Variants in LOXHD1 observed in about 807,000 individuals in gnomAD.
The protein encoded by LOXHD1 is lipoxygenase homology domain-containing protein 1.
LOXHD1 carries 205 observed loss-of-function variants against 248.2 expected under a neutral mutation model. The ratio of observed to expected loss-of-function variants is 0.83; its 90% CI spans 0.74 to 0.93. The LOEUF (loss-of-function observed/expected upper bound fraction) is 0.93, where lower values mean the gene tolerates loss of function less well. LOXHD1 is among the 40% of genes least tolerant of loss of function. LOXHD1 has a pLI of 0.00. For missense variants in LOXHD1, 2,930 were observed against 2,971.6 expected (o/e 0.99, Z 0.33); for synonymous variants, 1,113 against 1,162.8 (o/e 0.96, Z 0.87).
intron 4 of LOXHD1, among the ~76,000 whole-genome samples, chr18:46,626,061 T>C (rs1254019888): frequency 6.6e-6 from 1 of 152,194 alleles, no homozygotes; most frequent in African/African-American, 2.4e-5. Flanking sequence ...GCAAATCCCT[T>C]GAACCAACTA....
intron 4 of LOXHD1, among the ~76,000 whole-genome samples, chr18:46,623,282 G>A (rs894835625): frequency 2.6e-5 from 4 of 152,114 alleles, no homozygotes; most frequent in African/African-American, 7.3e-5. Flanking sequence ...CATTTGTGCA[G>A]TGTGTGACCT....
intron 28 of LOXHD1, among the ~76,000 whole-genome samples, chr18:46,531,813 C>A: frequency 6.6e-6 from 1 of 152,226 alleles, no homozygotes; most frequent in East Asian, 1.9e-4. Flanking sequence ...CCTGGGACAG[C>A]ATTCCAGGGC....
At chr18:46,533,844 T>C (rs940968109) in intron 27 of LOXHD1, 51 of 195,786 alleles carry the variant, frequency 2.6e-4, no homozygotes, top group African/African-American at 1.2e-3. Flanking sequence ...GAGAATTGCT[T>C]GAACCCAGAA....
In LOXHD1 at chr18:46,485,228, G is replaced by A. The variant is rs1397083788; in HGVS notation, c.6050-77C>T. ...TTCAGGGCGGGAGCAAGAGGGTCAC[G>A]GCCTCCGGTCCTTCATTTGATCTTA... On this transcript the variant is annotated intron_variant, in intron 38 of 40. Coordinates refer to ENST00000642948, the MANE Select transcript of LOXHD1 (RefSeq NM_001384474.1). 2.3e-5 allele frequency: 34 copies of A among 1,498,132 alleles called. No individual in the cohort carries two copies. In the East Asian group the frequency reaches 4.0e-4, roughly 18 times the overall value. 92.8% of individuals were successfully genotyped at this position (1,498,132 alleles called of 1,614,324 possible).
intron 20 of LOXHD1, chr18:46,559,025 T>G: frequency 1.4e-6 from 1 of 707,988 alleles, no homozygotes; most frequent in South Asian, 1.5e-5. Context: ...GGTTCCATCT[T>G]CTGAGAACAT....
Position 46,566,308 on chromosome 18 carries a change from C to T in LOXHD1, c.2386G>A (p.Gly796Arg), listed in dbSNP as rs886053835. Residue 796 changes from glycine (G) to arginine (R), a missense_variant, in exon 17 of 41, where the codon GGG (glycine) becomes AGG (arginine). By Grantham distance (125) the Gly-to-Arg change is moderately radical. Transcript: ENST00000642948. ...NRWLDKNQAD[G>R]RLEVELYPSE... The stretch of plus-strand genomic sequence containing the variant: ...GGATACAGCTCCACCTCCAGGCGCC[C>T]GTCAGCCTGGTTCTTGTCCAGCCAG... 1.3e-5 allele frequency: 20 copies of T among 1,551,856 alleles called. No homozygotes were observed. Among genetic ancestry groups the T allele is most frequent in the Non-Finnish European group, 1.7e-5 (20 of 1,146,990 alleles).
intron 17 of LOXHD1, among the ~76,000 whole-genome samples, chr18:46,565,567 T>A (rs189533669): frequency 2.6e-5 from 4 of 152,202 alleles, no homozygotes; most frequent in African/African-American, 9.6e-5. Context: ...TTCCTCAGTA[T>A]CTGCAGGGAC....
At chr18:46,531,455 G>T (rs2036063386) in intron 28 of LOXHD1, among the ~76,000 whole-genome samples, 2 of 151,992 alleles carry the variant, frequency 1.3e-5, no homozygotes, top group South Asian at 4.2e-4. Flanking sequence ...ATTTGGGCCT[G>T]CTCCACATGT....
At chr18:46,654,712 G>A (rs1162891772) in intron 1 of LOXHD1, among the ~76,000 whole-genome samples, 1 of 152,196 alleles carries the variant, frequency 6.6e-6, no homozygotes, top group Non-Finnish European at 1.5e-5. Flanking sequence ...GGAAGTGGGG[G>A]AACCGTTGTT....
intron 12 of LOXHD1, among the ~76,000 whole-genome samples, chr18:46,585,667 T>C (rs1303844733): frequency 2.0e-5 from 3 of 152,166 alleles, no homozygotes; most frequent in Admixed American, 1.3e-4. Context: ...AGCTGACTTA[T>C]TTGTAGAAAT....
intron 1 of LOXHD1, among the ~76,000 whole-genome samples, chr18:46,650,037 A>C (rs1326568641): frequency 6.6e-6 from 1 of 151,876 alleles, no homozygotes; most frequent in African/African-American, 2.4e-5. Flanking sequence ...TCCAGAAGCA[A>C]CTCCTGGAAT....
intron 1 of LOXHD1, among the ~76,000 whole-genome samples, chr18:46,656,003 G>A (rs540470769): frequency 1.0e-3 from 152 of 152,278 alleles, no homozygotes; most frequent in Non-Finnish European, 1.4e-3. Context: ...CAGGCACAGA[G>A]CACACATTCA....
chr18:46,524,122 C>T (rs1376667527), intron 31 of LOXHD1, among the ~76,000 whole-genome samples: 1 of 152,148 alleles, frequency 6.6e-6, no homozygotes, highest in Non-Finnish European at 1.5e-5. Flanking sequence ...CCCAAATGAC[C>T]ATCTCAGGAC....
At chr18:46,514,600 G>A (rs1030753771) in intron 34 of LOXHD1, among the ~76,000 whole-genome samples, 3 of 152,150 alleles carry the variant, frequency 2.0e-5, no homozygotes, top group African/African-American at 7.2e-5. Context: ...ATCCTTTCCT[G>A]AAAGGGCAAC....
chr18:46,485,305 G>A (rs2032963517), intron 38 of LOXHD1, among the ~76,000 whole-genome samples, 154 bp from the exon 39 acceptor site: 3 of 151,924 alleles, frequency 2.0e-5, no homozygotes, highest in East Asian at 1.9e-4. Context: ...CGATTGAGGC[G>A]TTGTAGGTAG....
intron 31 of LOXHD1, 55 bp from the exon 32 acceptor site, chr18:46,522,364 CCTCATAGA>C (rs1341744145): frequency 2.0e-5 from 28 of 1,423,746 alleles, no homozygotes; most frequent in Non-Finnish European, 2.5e-5. Flanking sequence ...CAAGGCACTG[CCTCATAGA>C]CTCACAGATT....
intron 21 of LOXHD1, among the ~76,000 whole-genome samples, chr18:46,554,146 G>T (rs2037223316): frequency 6.6e-6 from 1 of 152,204 alleles, no homozygotes; most frequent in Non-Finnish European, 1.5e-5. Flanking sequence ...CATGGATCAG[G>T]TCAGGAAGCT....
chr18:46,511,218 C>T (rs540043060), intron 34 of LOXHD1, among the ~76,000 whole-genome samples: 4 of 152,294 alleles, frequency 2.6e-5, no homozygotes, highest in Non-Finnish European at 4.4e-5. Flanking sequence ...TTCCTCTCTT[C>T]GGTGTAAAAC....
Position 46,560,224 on chromosome 18 carries a change from C to T in LOXHD1, c.2920G>A (p.Glu974Lys), listed in dbSNP as rs1279741756. ...CCCGGCCCAAACTCCTCCTCTTCCT[C>T]CTCTTCTTCCATCTCCTCCTCCTCT... ...SSEEEEMEEE[E>K]EEEEFGPGMQ... Residue 974 changes from glutamate to lysine, a missense_variant, in exon 19 of 41, where the codon GAG (glutamate) becomes AAG (lysine). By Grantham distance (56) the Glu-to-Lys change is moderately conservative (BLOSUM62 1). Coordinates refer to ENST00000642948, the MANE Select transcript of LOXHD1 (RefSeq NM_001384474.1). The T allele has an allele frequency of 2.6e-6, 4 of 1,551,428 alleles. No individual in the cohort carries two copies. Among genetic ancestry groups the T allele is most frequent in the Admixed American group, 2.0e-5 (1 of 50,992 alleles).
Sources: allele counts gnomAD v4.1 joint callset (sites outside exome capture counted in the v4.1 genomes callset), GRCh38; gene constraint gnomAD v4.1.1; transcripts MANE v1.5; gene names NCBI Gene and HGNC (gene_info 2026-07-23, HGNC 2026-07-21).